The following MTBP variants were observed in gnomAD, a reference collection of about 807,000 sequenced individuals.
MTBP encodes mdm2-binding protein.
In MTBP, 101 loss-of-function variants were observed where a neutral mutation model predicts 117.0. The ratio of observed to expected loss-of-function variants is 0.86; its 90% CI spans 0.73 to 1.02. MTBP has a LOEUF of 1.02. Ranked by LOEUF, MTBP falls within the 50% of genes least tolerant of loss-of-function variation. The pLI is 0.00. For missense variants in MTBP, 970 were observed against 1,030.9 expected (o/e 0.94, Z 0.81); for synonymous variants, 350 against 351.5 (o/e 1.00, Z 0.05).
intron 13 of MTBP, 49 bp from the exon 14 acceptor site, chr8:120,497,344 G>A: frequency 6.8e-7 from 1 of 1,472,366 alleles, no homozygotes; most frequent in Non-Finnish European, 9.1e-7. Context: ...ACTAGTAGAT[G>A]AGCTCCAGAG....
At chr8:120,506,956 A>T in intron 16 of MTBP, 95 bp downstream of exon 16, 1 of 1,057,128 alleles carries the variant, frequency 9.5e-7, no homozygotes, top group South Asian at 2.0e-5. Context: ...GTCCTATGCT[A>T]CTCAGGGAAA....
At chr8:120,465,166 C>T (rs1377643073) in intron 10 of MTBP, among the ~76,000 whole-genome samples, 1 of 152,072 alleles carries the variant, frequency 6.6e-6, no homozygotes, top group South Asian at 2.1e-4. Flanking sequence ...CTCTGTATAT[C>T]CCTGTCCAGT....
At chr8:120,461,865 A>G (rs1813588417) in intron 9 of MTBP, among the ~76,000 whole-genome samples, 1 of 152,212 alleles carries the variant, frequency 6.6e-6, no homozygotes, top group Admixed American at 6.5e-5. Flanking sequence ...ATCATAGCAT[A>G]GAGTAAGCAC....
At position 120,456,540 on chromosome 8, in the gene MTBP, C is replaced by A; in HGVS notation, c.630-13C>A. ...AAACCCTGTGTTTAATTGTTGTAAT[C>A]TTTTTTTTATAGAAACTGTCAGAAA... On this transcript the variant is annotated splice_polypyrimidine_tract_variant and intron_variant, in intron 6 of 21. Transcript: ENST00000305949. 1 of 1,357,392 alleles carries A rather than the reference C, an allele frequency of 7.4e-7. No individual in the cohort carries two copies. The highest frequency in any genetic ancestry group is 1.0e-6 in the Non-Finnish European group (1 of 962,816). The allele number at this position is 1,357,392 out of a possible 1,614,324, so 84.1% of individuals were successfully genotyped here.
intron 2 of MTBP, among the ~76,000 whole-genome samples, chr8:120,448,418 GTTTC>G (rs1163135103): frequency 1.3e-5 from 2 of 152,044 alleles, no homozygotes; most frequent in Admixed American, 6.6e-5. Flanking sequence ...TTTCTTTGGT[GTTTC>G]TTTATCTCTC....
chr8:120,446,070 C>CTG (rs1813219526), intron 1 of MTBP, among the ~76,000 whole-genome samples: 1 of 152,124 alleles, frequency 6.6e-6, no homozygotes, highest in South Asian at 2.1e-4. Context: ...TTTTGGTGCA[C>CTG]CCGTCTAGAT....
At chr8:120,490,346 G>C (rs1042509893) in intron 12 of MTBP, 117 bp from the exon 13 acceptor site, 1 of 641,442 alleles carries the variant, frequency 1.6e-6, no homozygotes, top group Non-Finnish European at 2.7e-6. Context: ...AGAGAGGTGA[G>C]TGATTGACTT....
At chr8:120,467,867 T>C (rs765028549) in intron 10 of MTBP, among the ~76,000 whole-genome samples, 1 of 152,242 alleles carries the variant, frequency 6.6e-6, no homozygotes, top group African/African-American at 2.4e-5. Context: ...TCAATTTCAG[T>C]CTGTCTCAAA....
intron 6 of MTBP, 139 bp from the exon 7 acceptor site, chr8:120,456,414 A>G: frequency 1.8e-6 from 1 of 569,740 alleles, no homozygotes; most frequent in Non-Finnish European, 3.1e-6. Context: ...GACTGACTTA[A>G]TGGGTGTTTC....
intron 18 of MTBP, among the ~76,000 whole-genome samples, chr8:120,517,144 G>A (rs971758968): frequency 6.6e-6 from 1 of 151,938 alleles, no homozygotes; most frequent in Admixed American, 6.6e-5. Flanking sequence ...CTTGTAAAGG[G>A]AAAAATTTGG....
intron 2 of MTBP, among the ~76,000 whole-genome samples, chr8:120,447,818 G>A (rs137951238): frequency 6.6e-6 from 1 of 151,938 alleles, no homozygotes; most frequent in African/African-American, 2.4e-5. Flanking sequence ...AGTTTGAGCA[G>A]TGCTTGCCAC....
intron 13 of MTBP, among the ~76,000 whole-genome samples, chr8:120,491,004 GATC>G (rs1443461820): frequency 2.6e-5 from 4 of 151,992 alleles, no homozygotes; most frequent in African/African-American, 9.7e-5. Flanking sequence ...GTTTAATAAT[GATC>G]ATCAATAATA....
At chr8:120,489,813 C>A (rs1814305288) in intron 12 of MTBP, among the ~76,000 whole-genome samples, 1 of 152,140 alleles carries the variant, frequency 6.6e-6, no homozygotes, top group Non-Finnish European at 1.5e-5. Context: ...AGCTAAGGGA[C>A]CCCAAAAGGC....
At chr8:120,469,356 T>G (rs1813770511) in intron 10 of MTBP, among the ~76,000 whole-genome samples, 1 of 152,138 alleles carries the variant, frequency 6.6e-6, no homozygotes, top group Non-Finnish European at 1.5e-5. Flanking sequence ...TTATTGAGCT[T>G]TCTAATTTGC....
At chr8:120,450,065 T>A (rs62528319) in intron 2 of MTBP, among the ~76,000 whole-genome samples, 364 of 152,154 alleles carry the variant, frequency 2.4e-3, no homozygotes, top group Non-Finnish European at 3.9e-3. Context: ...GAGAAACACT[T>A]GTGTGTATTT....
At chr8:120,480,656 G>A (rs1417435429) in intron 11 of MTBP, among the ~76,000 whole-genome samples, 4 of 152,046 alleles carry the variant, frequency 2.6e-5, no homozygotes, top group South Asian at 2.1e-4. Flanking sequence ...CACACTGCTG[G>A]AAGAATTGGA....
At chr8:120,474,225 T>C (rs75305651) in intron 11 of MTBP, among the ~76,000 whole-genome samples, 23 of 152,110 alleles carry the variant, frequency 1.5e-4, no homozygotes, top group Non-Finnish European at 2.8e-4. Flanking sequence ...CTGATTAGGC[T>C]GGATCATTAA....
chr8:120,493,044 G>A (rs555996185), intron 13 of MTBP, among the ~76,000 whole-genome samples: 2 of 152,122 alleles, frequency 1.3e-5, no homozygotes, highest in South Asian at 2.1e-4. Context: ...CTCCAGTATT[G>A]CAGTCTCTAC....
At chr8:120,522,535 C>T in intron 20 of MTBP, 119 bp from the exon 21 acceptor site, 1 of 676,206 alleles carries the variant, frequency 1.5e-6, no homozygotes, top group South Asian at 2.3e-5. Flanking sequence ...TAGTCTGTCC[C>T]TAATCACATT....
Sources: allele counts gnomAD v4.1 joint callset (sites outside exome capture counted in the v4.1 genomes callset), GRCh38; gene constraint gnomAD v4.1.1; transcripts MANE v1.5; gene names NCBI Gene and HGNC (gene_info 2026-07-23, HGNC 2026-07-21).